Variants in USP42 observed in about 807,000 individuals in gnomAD.
USP42 encodes the protein ubiquitin specific peptidase 42.
A neutral mutation model predicts 113.0 loss-of-function variants in USP42; 23 were observed. That is an observed-to-expected ratio of 0.20 (90% CI 0.15 to 0.29). The LOEUF (loss-of-function observed/expected upper bound fraction) is 0.29. USP42 is among the 10% of genes least tolerant of loss of function. The pLI is 1.00. For missense variants in USP42, 2,174 were observed against 1,779.8 expected (o/e 1.22, Z -3.99); for synonymous variants, 933 against 699.0 (o/e 1.33, Z -5.28).
intron 3 of USP42, among the ~76,000 whole-genome samples, chr7:6,131,986 G>T (rs1393421593): frequency 6.6e-6 from 1 of 152,208 alleles, no homozygotes; most frequent in Non-Finnish European, 1.5e-5. Context: ...AGGCTAGAGT[G>T]CAGTGGTGTG....
intron 1 of USP42, among the ~76,000 whole-genome samples, chr7:6,108,782 A>G (rs1779434163): frequency 1.3e-5 from 2 of 152,168 alleles, no homozygotes; most frequent in South Asian, 4.1e-4. Context: ...CCCAGCCTCA[A>G]TATTAAAAAA....
At chr7:6,152,501 C>T (rs1274605941) in intron 14 of USP42, among the ~76,000 whole-genome samples, 4 of 152,134 alleles carry the variant, frequency 2.6e-5, no homozygotes, top group African/African-American at 9.7e-5. Context: ...GAATGGCCCC[C>T]GGCGGGTGGG....
At chr7:6,122,387 G>A (rs1199076442) in intron 3 of USP42, among the ~76,000 whole-genome samples, 4 of 151,442 alleles carry the variant, frequency 2.6e-5, no homozygotes, top group Admixed American at 6.6e-5. Context: ...CTGGGTTCAA[G>A]TGATCTTCCC....
At chr7:6,099,894 T>G in the USP42 span, among the ~76,000 whole-genome samples, 10 of 149,156 alleles carry the variant, frequency 6.7e-5, 1 homozygote, top group African/African-American at 2.5e-4. Context: ...ACCTGGGAGG[T>G]GGAGGTTGCA....
upstream of USP42, among the ~76,000 whole-genome samples, chr7:6,104,561 T>TG (rs1007504668): frequency 2.0e-5 from 3 of 152,334 alleles, no homozygotes; most frequent in Middle Eastern, 3.4e-3. Flanking sequence ...GAAACGCATC[T>TG]GGGGTCAAGC....
chr7:6,126,619 T>G (rs1780561145), intron 3 of USP42, among the ~76,000 whole-genome samples: 1 of 152,172 alleles, frequency 6.6e-6, no homozygotes, highest in African/African-American at 2.4e-5. Flanking sequence ...ACTTTTCCAT[T>G]AAAGGATATC....
At chr7:6,129,206 A>G (rs910890643) in intron 3 of USP42, among the ~76,000 whole-genome samples, 1 of 152,226 alleles carries the variant, frequency 6.6e-6, no homozygotes, top group Admixed American at 6.5e-5. Context: ...TGAGGGACGT[A>G]TAGAAACATT....
intron 15 of USP42, among the ~76,000 whole-genome samples, chr7:6,156,188 T>C (rs898394846): frequency 6.6e-6 from 1 of 152,134 alleles, no homozygotes; most frequent in Non-Finnish European, 1.5e-5. Context: ...CCAAAAGCCA[T>C]ATGGAAAATA....
chr7:6,086,306 C>T, the USP42 span, among the ~76,000 whole-genome samples: 9 of 147,278 alleles, frequency 6.1e-5, no homozygotes, highest in African/African-American at 5.2e-5. Flanking sequence ...CCTGGGTTCA[C>T]GCCATTCTCC....
the USP42 span, among the ~76,000 whole-genome samples, chr7:6,097,613 C>T: frequency 1.3e-5 from 2 of 148,794 alleles, no homozygotes; most frequent in South Asian, 4.2e-4. Context: ...TTTTTCGAGA[C>T]AGAGTCTTGC....
chr7:6,133,871 C>G (rs1780984799), intron 3 of USP42, among the ~76,000 whole-genome samples: 1 of 149,662 alleles, frequency 6.7e-6, no homozygotes, highest in Non-Finnish European at 1.5e-5. Flanking sequence ...AGATTTGCAT[C>G]TATTTCCATG....
intron 3 of USP42, among the ~76,000 whole-genome samples, chr7:6,124,755 C>CT (rs1460637789): frequency 6.6e-6 from 1 of 151,738 alleles, no homozygotes; most frequent in Non-Finnish European, 1.5e-5. Flanking sequence ...CTTTTAAAAT[C>CT]TTTTTCCTGC....
chr7:6,126,053 C>A (rs1339144580), intron 3 of USP42, among the ~76,000 whole-genome samples: 12 of 152,160 alleles, frequency 7.9e-5, no homozygotes, highest in Non-Finnish European at 1.8e-4. Flanking sequence ...CAGCATGTTT[C>A]CCTTTCCAAG....
At chr7:6,115,110 C>T (rs1400249266) in intron 2 of USP42, among the ~76,000 whole-genome samples, 1 of 152,078 alleles carries the variant, frequency 6.6e-6, no homozygotes, top group Non-Finnish European at 1.5e-5. Flanking sequence ...CCTTTCTGTC[C>T]TTGCAGTTTG....
In USP42 at chr7:6,157,126, A is replaced by T; in HGVS notation, c.3943+71A>T. The T allele has an allele frequency of 6.9e-7, 1 of 1,457,722 alleles. No homozygotes were observed. The highest frequency in any genetic ancestry group is 9.0e-7 in the Non-Finnish European group (1 of 1,110,806). The allele number at this position is 1,457,722 out of a possible 1,614,324, so 90.3% of individuals were successfully genotyped here. Reference sequence around the variant, plus strand: ...ATACATTTTCTTTGCAAAGGTGATTAACATGTAGAAAGAAAACCTCAGGTG... The same window carrying T: ...ATACATTTTCTTTGCAAAGGTGATTTACATGTAGAAAGAAAACCTCAGGTG... On this transcript the variant is annotated intron_variant, in intron 16 of 17. Coordinates refer to ENST00000306177, the MANE Select transcript of USP42 (RefSeq NM_032172.3). This position sits in a 1 kb window ranked among gnomAD's most constrained non-coding sequence, Gnocchi z 4.1.
chr7:6,132,729 C>T (rs576506193), intron 3 of USP42, among the ~76,000 whole-genome samples: 4 of 149,986 alleles, frequency 2.7e-5, no homozygotes, highest in South Asian at 4.3e-4. Context: ...TGGAGTGCAG[C>T]GTCGAGATCT....
intron 3 of USP42, among the ~76,000 whole-genome samples, chr7:6,131,175 G>A (rs1350310688): frequency 1.3e-5 from 2 of 152,152 alleles, no homozygotes; most frequent in African/African-American, 4.8e-5. Context: ...CCTCTCCCCA[G>A]CCAGAAAGAT....
At position 6,154,553 on chromosome 7, in the gene USP42, C is replaced by T. The variant is rs1782300221; in HGVS notation, c.2999C>T (p.Pro1000Leu). 3.2e-6 allele frequency: 5 copies of T among 1,548,210 alleles called. No homozygotes were observed. The African/African-American group carries it at 5.5e-5, about 17-fold the overall frequency. ...GACCGCCACGCCCCGGAGCACCACC[C>T]CGGCCACGGCGACAGGCTCAGCCCT... ...RQDRHAPEHH[P>L]GHGDRLSPGE... is the part of the protein sequence containing the mutation. Residue 1000 changes from proline to leucine, a missense_variant, in exon 15 of 18, where the codon CCC (proline) becomes CTC (leucine). Physicochemically the swap from Pro to Leu is moderately conservative, Grantham distance 98 (BLOSUM62 -3). Coordinates refer to ENST00000306177, the MANE Select transcript of USP42 (RefSeq NM_032172.3).
chr7:6,154,701 C>G lies in USP42; in HGVS notation c.3147C>G (p.Phe1049Leu), dbSNP rs1583691482. Reference sequence around the variant, plus strand: ...AGCGTGGCTGGGGCCGGGAGAAGTTCTACCCCGACAGGCCGCGCTGGGACA... The same window carrying G: ...AGCGTGGCTGGGGCCGGGAGAAGTTGTACCCCGACAGGCCGCGCTGGGACA... ...EGERGWGREKFYPDRPRWDRC... is the reference protein window; with the variant it reads ...EGERGWGREKLYPDRPRWDRC... The change falls in exon 15 of 18, where the codon TTC (phenylalanine) becomes TTG (leucine). Residue 1049 changes from phenylalanine to leucine, a missense_variant. Coordinates refer to ENST00000306177, the MANE Select transcript of USP42 (RefSeq NM_032172.3). The G allele has an allele frequency of 3.1e-6, 5 of 1,601,696 alleles. No homozygotes were observed. In the East Asian group the frequency reaches 6.8e-5, roughly 22 times the overall value.
Sources: gnomAD v4.1 joint callset for allele counts (sites outside exome capture counted in the v4.1 genomes callset) on GRCh38, gnomAD v4.1.1 for gene constraint, Gnocchi (gnomAD v3.1) non-coding constraint, MANE v1.5 for transcripts, NCBI Gene and HGNC (gene_info 2026-07-23, HGNC 2026-07-21) for gene names.